DICER1: variants seen among roughly 807,000 people sequenced by gnomAD.
The protein encoded by DICER1 is endoribonuclease Dicer.
A neutral mutation model predicts 194.1 loss-of-function variants in DICER1; 43 were observed. The observed-to-expected ratio is 0.22, with a 90% CI of 0.17 to 0.29. The LOEUF (loss-of-function observed/expected upper bound fraction) is 0.29. DICER1 is among the 10% of genes least tolerant of loss of function. DICER1 has a pLI of 1.00. For synonymous variants in DICER1, 832 were observed against 820.5 expected (o/e 1.01, Z -0.24); for missense variants, 1,608 against 2,317.0 (o/e 0.69, Z 6.28).
Position 95,090,332 on chromosome 14 carries a change from TG to T in DICER1, c.*165del. On this transcript the variant is annotated 3_prime_UTR_variant, in exon 27 of 27. Coordinates refer to ENST00000343455, the MANE Select transcript of DICER1 (RefSeq NM_177438.3). ...AATTAGTTCCAAAATTTTATACATATGTTAAATGTTTTATTCTGTTATCTAT... is the reference window on the plus strand; with the variant it reads ...AATTAGTTCCAAAATTTTATACATATTTAAATGTTTTATTCTGTTATCTAT... The T allele has an allele frequency of 1.4e-6, 1 of 738,238 alleles. No homozygotes were observed. The allele number at this position is 738,238 out of a possible 1,614,324, so 45.7% of individuals were successfully genotyped here.
At chr14:95,153,216 C>CA (rs201007123) in intron 1 of DICER1, among the ~76,000 whole-genome samples, 19,392 of 111,524 alleles carry the variant, frequency 0.17, 1,596 homozygotes, top group East Asian at 0.44. Flanking sequence ...GACTCCGTCT[C>CA]AAAAAAAAAA....
At chr14:95,101,653 G>C (rs1185340027) in intron 21 of DICER1, among the ~76,000 whole-genome samples, 1 of 152,108 alleles carries the variant, frequency 6.6e-6, no homozygotes, top group Non-Finnish European at 1.5e-5. Flanking sequence ...AGTTTACGTG[G>C]TTGTTATGAC....
chr14:95,126,875 T>TATGA, intron 6 of DICER1, 127 bp from the exon 7 acceptor site: 1 of 655,448 alleles, frequency 1.5e-6, no homozygotes, highest in Admixed American at 2.8e-5. Flanking sequence ...TGCCAGAATG[T>TATGA]TAGCAGTGGG....
At chr14:95,157,677 C>G (rs1179435585), upstream of DICER1, 1 of 152,490 alleles carries the variant, frequency 6.6e-6, no homozygotes, top group Non-Finnish European at 1.5e-5. Context: ...GGCGCGCGCG[C>G]GGAGGCCGGA....
chr14:95,156,974 C>G (rs1028402382), intron 1 of DICER1, among the ~76,000 whole-genome samples: 1 of 152,174 alleles, frequency 6.6e-6, no homozygotes, highest in African/African-American at 2.4e-5. Context: ...GAAAGTCTCC[C>G]AGGGCTGCCT....
chr14:95,120,016 T>C (rs1174996887), intron 8 of DICER1, among the ~76,000 whole-genome samples: 2 of 152,204 alleles, frequency 1.3e-5, no homozygotes, highest in African/African-American at 4.8e-5. Flanking sequence ...GAAATATGTA[T>C]GGTAGGTTCA....
intron 22 of DICER1, 34 bp from the exon 23 acceptor site, chr14:95,096,747 CAT>C: frequency 6.4e-7 from 1 of 1,565,108 alleles, no homozygotes; most frequent in Non-Finnish European, 8.7e-7. Flanking sequence ...GGAGGGGAAA[CAT>C]AGCTGCTGTT....
intron 17 of DICER1, among the ~76,000 whole-genome samples, chr14:95,106,695 T>G (rs1467628508): frequency 6.6e-6 from 1 of 152,140 alleles, no homozygotes; most frequent in African/African-American, 2.4e-5. Context: ...AATCAAAGAT[T>G]GAATTACAAC....
chr14:95,114,894 T>C (rs946146425), intron 11 of DICER1, among the ~76,000 whole-genome samples: 1 of 152,294 alleles, frequency 6.6e-6, no homozygotes, highest in Admixed American at 6.5e-5. Context: ...AATGACAGCC[T>C]ATCTATCTTC....
intron 14 of DICER1, among the ~76,000 whole-genome samples, chr14:95,109,985 A>G (rs143792377): frequency 6.6e-6 from 1 of 152,328 alleles, no homozygotes; most frequent in African/African-American, 2.4e-5. Context: ...CGTATTTTAA[A>G]AAGCATAATA....
intron 11 of DICER1, 68 bp from the exon 12 acceptor site, chr14:95,113,292 G>C: frequency 6.7e-7 from 1 of 1,492,740 alleles, no homozygotes; most frequent in African/African-American, 1.4e-5. Context: ...ATAACCTCGA[G>C]TTTGATTTGT....
At chr14:95,135,651 A>G (rs1894305801) in intron 1 of DICER1, among the ~76,000 whole-genome samples, 1 of 152,234 alleles carries the variant, frequency 6.6e-6, no homozygotes. Context: ...ATACAAATGG[A>G]CATAAAGATG....
At chr14:95,096,913 C>A (rs1040963897) in intron 22 of DICER1, among the ~76,000 whole-genome samples, 200 bp from the exon 23 acceptor site, 3 of 152,170 alleles carry the variant, frequency 2.0e-5, no homozygotes, top group Non-Finnish European at 4.4e-5. Context: ...AAAACATGTT[C>A]TTTGAATGTT....
In DICER1 at chr14:95,113,154, C is replaced by G. The variant is rs773588526; in HGVS notation, c.1978G>C (p.Asp660His). 1.2e-6 allele frequency: 2 copies of G among 1,613,162 alleles called. No homozygotes were observed. Among genetic ancestry groups the G allele is most frequent in the South Asian group, 2.2e-5 (2 of 91,076 alleles). ...TAAAGAGTTGAATAAAATGTACCAT[C>G]AGGCAACTCTCGGGTTCTGCATTTA... is the stretch of plus-strand genomic sequence containing the variant. ...APKCRTRELPDGTFYSTLYLP... is the reference protein window; with the variant it reads ...APKCRTRELPHGTFYSTLYLP... The change falls in exon 12 of 27, where the codon GAT (aspartate) becomes CAT (histidine). Residue 660 changes from aspartate to histidine, a missense_variant. By Grantham distance (81) the Asp-to-His change is moderately conservative (BLOSUM62 -1). This residue lies in a region of DICER1 where 657 missense variants were observed against 910.1 expected (regional missense o/e 0.72). Coordinates refer to ENST00000343455, the MANE Select transcript of DICER1 (RefSeq NM_177438.3).
chr14:95,120,857 C>A (rs1028767688), intron 8 of DICER1, among the ~76,000 whole-genome samples: 1 of 152,168 alleles, frequency 6.6e-6, no homozygotes, highest in Non-Finnish European at 1.5e-5. Context: ...ATATCCCTCT[C>A]CAGCAAGTGG....
intron 1 of DICER1, among the ~76,000 whole-genome samples, chr14:95,137,459 A>G (rs1327276461): frequency 1.6e-5 from 2 of 127,488 alleles, no homozygotes; most frequent in Non-Finnish European, 3.3e-5. Context: ...GGAAAGGGAA[A>G]GAAAAAGGGG....
intron 12 of DICER1, among the ~76,000 whole-genome samples, chr14:95,112,717 G>A (rs899503589): frequency 3.3e-5 from 5 of 152,092 alleles, no homozygotes; most frequent in Admixed American, 6.5e-5. Flanking sequence ...CTAGGACAAC[G>A]CAACGATCTA....
intron 6 of DICER1, among the ~76,000 whole-genome samples, chr14:95,127,153 C>G (rs992281719): frequency 6.6e-6 from 1 of 152,190 alleles, no homozygotes; most frequent in Non-Finnish European, 1.5e-5. Flanking sequence ...TCTGTCTAAA[C>G]AAAACTCAGG....
rs1228711160 is a variant in DICER1, at chr14:95,157,520, G to A, written c.-336C>T. On this transcript the variant is annotated 5_prime_UTR_variant, in exon 1 of 27. Transcript: ENST00000343455. ...CGGCAACGGCGCACAGCCGCTTGGA[G>A]AATCCCACTGGCTCCCGCACCGCCC... The A allele has an allele frequency of 2.0e-5, 3 of 152,478 alleles. No homozygotes were observed. Among genetic ancestry groups the A allele is most frequent in the Admixed American group, 6.5e-5 (1 of 15,276 alleles). 9.4% of individuals were successfully genotyped at this position (152,478 alleles called of 1,614,324 possible).
Sources: gnomAD v4.1 joint callset for allele counts (sites outside exome capture counted in the v4.1 genomes callset) on GRCh38, gnomAD v4.1.1 for gene constraint, gnomAD v4.1.1 regional missense constraint, MANE v1.5 for transcripts, NCBI Gene and HGNC (gene_info 2026-07-23, HGNC 2026-07-21) for gene names.